The following AGAP1 variants were observed in gnomAD, a reference collection of about 807,000 sequenced individuals.
AGAP1 encodes arf-GAP with GTPase, ANK repeat and PH domain-containing protein 1.
In AGAP1, 29 loss-of-function variants were observed where a neutral mutation model predicts 105.3. The observed-to-expected ratio is 0.28, with a 90% CI of 0.21 to 0.38. The LOEUF is 0.38. AGAP1 is among the 10% of genes least tolerant of loss of function. The pLI, the probability that AGAP1 is intolerant of heterozygous loss-of-function variation, is 1.00. For synonymous variants in AGAP1, 509 were observed against 485.9 expected (o/e 1.05, Z -0.63); for missense variants, 998 against 1,165.1 (o/e 0.86, Z 2.09).
At chr2:235,667,006 G>A (rs1229238286) in intron 1 of AGAP1, among the ~76,000 whole-genome samples, 1 of 152,104 alleles carries the variant, frequency 6.6e-6, no homozygotes, top group Non-Finnish European at 1.5e-5. Flanking sequence ...GTTGCTGTTT[G>A]TTTCTCAGCT....
rs552621796 is a variant in AGAP1 at position 236,130,111 on chromosome 2, A to G, written c.*5989A>G. 1.8e-4 allele frequency: 28 copies of G among 152,352 alleles called. No homozygotes were observed. The highest frequency in any genetic ancestry group is 6.7e-4 in the African/African-American group (28 of 41,566). The allele number at this position is 152,352 out of a possible 1,614,324, so 9.4% of individuals were successfully genotyped here. ...TCTGAAAGCCCCAGAGCTCAGGCCTAAGGCTGCTAGGTGAGACCAGCAGGC... is the reference window on the plus strand; with the variant it reads ...TCTGAAAGCCCCAGAGCTCAGGCCTGAGGCTGCTAGGTGAGACCAGCAGGC... On this transcript the variant is annotated 3_prime_UTR_variant, in exon 18 of 18. Coordinates refer to ENST00000304032, the MANE Select transcript of AGAP1 (RefSeq NM_001037131.3). This position sits in a 1 kb window ranked among gnomAD's most constrained non-coding sequence, Gnocchi z 5.8.
Position 235,737,223 on chromosome 2 carries a change from C to T in AGAP1, c.311-3740C>T, listed in dbSNP as rs1952305485. Among the ~76,000 whole-genome samples, 1 of 152,014 alleles carries T rather than the reference C, an allele frequency of 6.6e-6. No homozygotes were observed. The highest frequency in any genetic ancestry group is 1.5e-5 in the Non-Finnish European group (1 of 68,006). On this transcript the variant is annotated intron_variant, in intron 3 of 17. Transcript: ENST00000304032. This position sits in a 1 kb window ranked among gnomAD's most constrained non-coding sequence, Gnocchi z 4.5. ...TTATCTTATTATTCACCTTTGAGTTCGTGGCAAATACTTAGCAGTATTTAA... is the reference window on the plus strand; with the variant it reads ...TTATCTTATTATTCACCTTTGAGTTTGTGGCAAATACTTAGCAGTATTTAA...
At chr2:236,031,943 G>T (rs1257910806) in intron 13 of AGAP1, among the ~76,000 whole-genome samples, 1 of 152,128 alleles carries the variant, frequency 6.6e-6, no homozygotes, top group South Asian at 2.1e-4. Flanking sequence ...TGGGAGCCTC[G>T]TTCTGGGCCT....
intron 1 of AGAP1, among the ~76,000 whole-genome samples, chr2:235,501,096 A>C (rs1377944794): frequency 1.3e-5 from 2 of 152,108 alleles, no homozygotes; most frequent in African/African-American, 4.8e-5. Flanking sequence ...CCACTCCCGG[A>C]TTCCTTAGCT....
rs886744393 is a variant in AGAP1 at position 235,621,077 on chromosome 2, A to C, written c.164-88102A>C. Among the ~76,000 whole-genome samples the C allele has an allele frequency of 6.6e-6, 1 of 152,094 alleles. No homozygotes were observed. Among genetic ancestry groups the C allele is most frequent in the Non-Finnish European group, 1.5e-5 (1 of 68,026 alleles). ...GCTCTTGTCTCCCAGGCTGGAGTAC[A>C]ATGGCACAATCTTGGCTCACTGCAA... On this transcript the variant is annotated intron_variant, in intron 1 of 17. Transcript: ENST00000304032. The surrounding 1 kb of genome is among the most constrained non-coding windows in gnomAD (Gnocchi z 4.1).
chr2:235,759,383 A>C (rs751549288), intron 6 of AGAP1, among the ~76,000 whole-genome samples: 8 of 149,718 alleles, frequency 5.3e-5, no homozygotes, highest in African/African-American at 2.0e-4. Flanking sequence ...GTTAGCCAGG[A>C]TGGTCTTGAT....
At position 235,944,020 on chromosome 2, in the gene AGAP1, A is replaced by T. The variant is rs116405475; in HGVS notation, c.1483+13097A>T. On this transcript the variant is annotated intron_variant, in intron 12 of 17. Transcript: ENST00000304032. Reference sequence around the variant, plus strand: ...AGCAGATGGTTATTTTTAATGACTTAAAATTTTACTCTTTTATATGAGAAG... The same window carrying T: ...AGCAGATGGTTATTTTTAATGACTTTAAATTTTACTCTTTTATATGAGAAG... 2.0e-5 allele frequency among the ~76,000 whole-genome samples: 3 copies of T among 152,340 alleles called. No homozygotes were observed. The East Asian group carries it at 5.8e-4, about 29-fold the overall frequency.
At chr2:235,529,964 C>T (rs558181084) in intron 1 of AGAP1, among the ~76,000 whole-genome samples, 6 of 152,158 alleles carry the variant, frequency 3.9e-5, no homozygotes, top group Non-Finnish European at 7.3e-5. Context: ...TTGTTGGAGC[C>T]TTTGCCATCT....
rs1297617829 is a variant in AGAP1 at position 236,078,669 on chromosome 2, T to C, written c.2114+29388T>C. 2.0e-5 allele frequency among the ~76,000 whole-genome samples: 3 copies of C among 152,114 alleles called. No individual in the cohort carries two copies. The highest frequency in any genetic ancestry group is 7.2e-5 in the African/African-American group (3 of 41,426). Reference sequence around the variant, plus strand: ...CTAGCATTTCTTGACTCCAGATGGGTTTCACACACGTCTGTCCCCTACCTG... The same window carrying C: ...CTAGCATTTCTTGACTCCAGATGGGCTTCACACACGTCTGTCCCCTACCTG... On this transcript the variant is annotated intron_variant, in intron 16 of 17. Coordinates refer to ENST00000304032, the MANE Select transcript of AGAP1 (RefSeq NM_001037131.3). This position sits in a 1 kb window ranked among gnomAD's most constrained non-coding sequence, Gnocchi z 5.3.
intron 2 of AGAP1, among the ~76,000 whole-genome samples, chr2:235,710,966 C>G (rs1950827289): frequency 6.6e-6 from 1 of 152,168 alleles, no homozygotes; most frequent in South Asian, 2.1e-4. Flanking sequence ...GTACGGTTAT[C>G]CCCATTTCAC....
intron 1 of AGAP1, among the ~76,000 whole-genome samples, chr2:235,575,438 G>C (rs1351958489): frequency 6.6e-6 from 1 of 152,260 alleles, no homozygotes; most frequent in Non-Finnish European, 1.5e-5. Flanking sequence ...TGTGGCAGAA[G>C]CCACAAAGGT....
chr2:236,007,218 A>G (rs1200256515), intron 13 of AGAP1, among the ~76,000 whole-genome samples: 1 of 152,254 alleles, frequency 6.6e-6, no homozygotes, highest in Non-Finnish European at 1.5e-5. Context: ...ATGATTTCTC[A>G]AGCCACACGT....
rs1255060362 is a variant in AGAP1 at position 235,739,051 on chromosome 2, G to A, written c.311-1912G>A. ...ATTAAAGCAGGTTAAAAGAACCTTG[G>A]CAGAAATTTCAAATAAGACTGGGTC... On this transcript the variant is annotated intron_variant, in intron 3 of 17. Transcript: ENST00000304032. The surrounding 1 kb of genome is among the most constrained non-coding windows in gnomAD (Gnocchi z 5.3). Among the ~76,000 whole-genome samples, 2 of 152,136 alleles carry A rather than the reference G, an allele frequency of 1.3e-5. No individual in the cohort carries two copies. The highest frequency in any genetic ancestry group is 6.5e-5 in the Admixed American group (1 of 15,282).
In AGAP1 at chr2:235,639,724, G is replaced by A. The variant is rs550584396; in HGVS notation, c.164-69455G>A. On this transcript the variant is annotated intron_variant, in intron 1 of 17. Transcript: ENST00000304032. The surrounding 1 kb of genome is among the most constrained non-coding windows in gnomAD (Gnocchi z 5.3). ...GGCAGCGCTTGCCTCGCTGCATCTC[G>A]TGTTCTCAAAATCAGCACATGCCAT... is the stretch of plus-strand genomic sequence containing the variant. Among the ~76,000 whole-genome samples the A allele has an allele frequency of 6.6e-5, 10 of 152,114 alleles. No homozygotes were observed. The highest frequency in any genetic ancestry group is 1.9e-4 in the African/African-American group (8 of 41,412).
chr2:235,992,755 G>A lies in AGAP1; in HGVS notation c.1645+24132G>A, dbSNP rs537527817. Among the ~76,000 whole-genome samples the A allele has an allele frequency of 2.6e-4, 39 of 152,312 alleles. No individual in the cohort carries two copies. The highest frequency in any genetic ancestry group is 8.7e-4 in the African/African-American group (36 of 41,570). On this transcript the variant is annotated intron_variant, in intron 13 of 17. Transcript: ENST00000304032. This position sits in a 1 kb window ranked among gnomAD's most constrained non-coding sequence, Gnocchi z 4.8. Reference sequence around the variant, plus strand: ...GCACACCTGGGGATGCGTCGTGGGCGCCGAGGAGAGCGTAGCCTCCTGTTA... The same window carrying A: ...GCACACCTGGGGATGCGTCGTGGGCACCGAGGAGAGCGTAGCCTCCTGTTA...
intron 7 of AGAP1, among the ~76,000 whole-genome samples, chr2:235,798,477 G>GT (rs887249771): frequency 5.9e-5 from 9 of 152,044 alleles, no homozygotes; most frequent in Admixed American, 5.9e-4. Flanking sequence ...TATTGGCACT[G>GT]TTTTTTTAAG....
intron 15 of AGAP1, among the ~76,000 whole-genome samples, chr2:236,047,598 CTTTTTTTTT>C (rs59007077): frequency 1.5e-5 from 1 of 68,286 alleles, no homozygotes; most frequent in Non-Finnish European, 2.5e-5. Flanking sequence ...TCTCACATTT[CTTTTTTTTT>C]TTTTTTTTTT....
rs181989301 is a variant in AGAP1, at chr2:235,852,281, G to A, written c.1051-31064G>A. 3.3e-5 allele frequency among the ~76,000 whole-genome samples: 5 copies of A among 152,340 alleles called. No homozygotes were observed. The East Asian group carries it at 5.8e-4, about 18-fold the overall frequency. On this transcript the variant is annotated intron_variant, in intron 9 of 17. Transcript: ENST00000304032. ...ATGCAGCAGAGACAAGCGAGGCAGC[G>A]GAGAAGGGCCCGGGCGTGCATAATG...
At chr2:235,630,581 G>A (rs72988938) in intron 1 of AGAP1, among the ~76,000 whole-genome samples, 7,622 of 152,170 alleles carry the variant, frequency 0.05, 290 homozygotes, top group Non-Finnish European at 0.075. Context: ...GCATTTTTCC[G>A]TGTCGTGTTG....
Sources: allele counts gnomAD v4.1 joint callset (sites outside exome capture counted in the v4.1 genomes callset), GRCh38; gene constraint gnomAD v4.1.1; non-coding constraint Gnocchi (gnomAD v3.1); transcripts MANE v1.5; gene names NCBI Gene and HGNC (gene_info 2026-07-23, HGNC 2026-07-21).